GRM8: variants seen among roughly 807,000 people sequenced by gnomAD.
GRM8 encodes metabotropic glutamate receptor 8.
GRM8 carries 47 observed loss-of-function variants against 87.2 expected under a neutral mutation model. The observed-to-expected ratio is 0.54, with a 90% CI of 0.43 to 0.69. GRM8 has a LOEUF of 0.69. Ranked by LOEUF, GRM8 falls within the 30% of genes least tolerant of loss-of-function variation. GRM8 has a pLI of 0.00. For missense variants in GRM8, 1,019 were observed against 1,139.2 expected, an observed-to-expected ratio of 0.89 and a Z score of 1.52; for synonymous variants, 396 against 404.5, an observed-to-expected ratio of 0.98 and a Z score of 0.25.
chr7:126,472,013 C>T (rs1378766339), intron 9 of GRM8, among the ~76,000 whole-genome samples: 2 of 152,076 alleles, frequency 1.3e-5, no homozygotes, highest in South Asian at 2.1e-4. Flanking sequence ...TATAAGAATG[C>T]TTGTGATTTT....
chr7:126,556,376 G>T (rs1264421495), intron 8 of GRM8, among the ~76,000 whole-genome samples: 1 of 148,608 alleles, frequency 6.7e-6, no homozygotes, highest in African/African-American at 2.5e-5. Flanking sequence ...GCCAGGTGTG[G>T]TAGCTCATGT....
chr7:126,493,809 C>T (rs200301888), intron 9 of GRM8, among the ~76,000 whole-genome samples: 112 of 152,142 alleles, frequency 7.4e-4, no homozygotes, highest in East Asian at 3.3e-3. Flanking sequence ...TTTACCCAGA[C>T]ATCTATATGG....
chr7:127,132,362 T>G (rs912058487), intron 2 of GRM8, among the ~76,000 whole-genome samples: 1 of 152,240 alleles, frequency 6.6e-6, no homozygotes, highest in African/African-American at 2.4e-5. Flanking sequence ...TTGCATTTTG[T>G]TCCTTTTAAT....
At chr7:127,044,811 T>G (rs1017299775) in intron 3 of GRM8, among the ~76,000 whole-genome samples, 3 of 152,220 alleles carry the variant, frequency 2.0e-5, no homozygotes, top group African/African-American at 7.2e-5. Flanking sequence ...ACATGCTAAG[T>G]GCTTTAAGTG....
chr7:127,177,132 C>CCG (rs1794156949), intron 2 of GRM8, among the ~76,000 whole-genome samples: 1 of 152,120 alleles, frequency 6.6e-6, no homozygotes, highest in East Asian at 1.9e-4. Context: ...CACCCTCCGC[C>CCG]AGGAAACAGA....
At chr7:127,214,803 G>A (rs538545593) in intron 2 of GRM8, among the ~76,000 whole-genome samples, 1 of 152,108 alleles carries the variant, frequency 6.6e-6, no homozygotes, top group Non-Finnish European at 1.5e-5. Context: ...CATATCAGAT[G>A]TTAAAACCTT....
intron 7 of GRM8, among the ~76,000 whole-genome samples, chr7:126,720,999 T>C (rs2151453016): frequency 1.3e-5 from 2 of 152,304 alleles, no homozygotes; most frequent in South Asian, 4.1e-4. Context: ...CATTCTACTG[T>C]CATCACAACA....
intron 6 of GRM8, among the ~76,000 whole-genome samples, chr7:126,781,488 T>C (rs1820070182): frequency 6.6e-6 from 1 of 152,200 alleles, no homozygotes; most frequent in Non-Finnish European, 1.5e-5. Context: ...TAGTACTCTC[T>C]CAGGTATTCC....
intron 3 of GRM8, among the ~76,000 whole-genome samples, chr7:127,019,676 C>T (rs1816066384): frequency 6.6e-6 from 1 of 152,028 alleles, no homozygotes; most frequent in Non-Finnish European, 1.5e-5. Context: ...ATAACATTGT[C>T]CATTGCCGCA....
At chr7:126,982,400 C>G (rs1811630282) in intron 3 of GRM8, among the ~76,000 whole-genome samples, 1 of 152,202 alleles carries the variant, frequency 6.6e-6, no homozygotes, top group Non-Finnish European at 1.5e-5. Context: ...TTAACTATCA[C>G]AAGTCCACCC....
At chr7:126,599,351 T>C (rs752855645) in intron 8 of GRM8, among the ~76,000 whole-genome samples, 3 of 152,186 alleles carry the variant, frequency 2.0e-5, no homozygotes, top group Non-Finnish European at 4.4e-5. Flanking sequence ...CTCCTAGCTC[T>C]ACCCTTACTA....
chr7:126,742,200 C>T (rs916759048), intron 7 of GRM8, among the ~76,000 whole-genome samples: 1 of 151,970 alleles, frequency 6.6e-6, no homozygotes, highest in African/African-American at 2.4e-5. Context: ...CCAGGGTCAA[C>T]TGTATTATTA....
chr7:126,548,140 T>G (rs1471458165), intron 8 of GRM8, among the ~76,000 whole-genome samples: 3 of 151,722 alleles, frequency 2.0e-5, no homozygotes, highest in Non-Finnish European at 4.4e-5. Context: ...AACATGAACT[T>G]TAACATCACA....
chr7:126,573,588 T>C (rs1026004286), intron 8 of GRM8, among the ~76,000 whole-genome samples: 1 of 133,600 alleles, frequency 7.5e-6, no homozygotes, highest in African/African-American at 2.6e-5. Context: ...ATTTATTTTT[T>C]AATTTTTTTT....
chr7:126,741,698 G>A (rs2151511631), intron 7 of GRM8, among the ~76,000 whole-genome samples: 1 of 152,224 alleles, frequency 6.6e-6, no homozygotes, highest in Admixed American at 6.6e-5. Flanking sequence ...ATAATAATAA[G>A]GGGAAATTAT....
chr7:126,483,556 C>T (rs2150604356), intron 9 of GRM8, among the ~76,000 whole-genome samples: 1 of 145,804 alleles, frequency 6.9e-6, no homozygotes. Flanking sequence ...CTAATGCGTC[C>T]CTAACCAAAA....
At chr7:126,608,943 T>C (rs1798639724) in intron 8 of GRM8, among the ~76,000 whole-genome samples, 1 of 152,024 alleles carries the variant, frequency 6.6e-6, no homozygotes, top group South Asian at 2.1e-4. Context: ...TTTTTTGTAT[T>C]TTTAGTAGAG....
At chr7:126,460,228 A>T (rs1803741779) in intron 9 of GRM8, among the ~76,000 whole-genome samples, 1 of 151,502 alleles carries the variant, frequency 6.6e-6, no homozygotes, top group African/African-American at 2.4e-5. Context: ...CACTCCAGAA[A>T]ATTAAAACTT....
At chr7:126,842,157 A>G (rs572507678) in intron 6 of GRM8, among the ~76,000 whole-genome samples, 1 of 152,326 alleles carries the variant, frequency 6.6e-6, no homozygotes, top group Admixed American at 6.5e-5. Context: ...AATACTCACT[A>G]AAGAGAACAA....
Sources: allele counts gnomAD v4.1 joint callset (sites outside exome capture counted in the v4.1 genomes callset), GRCh38; gene constraint gnomAD v4.1.1; transcripts MANE v1.5; gene names NCBI Gene and HGNC (gene_info 2026-07-23, HGNC 2026-07-21).